USPL1: variants seen among roughly 807,000 people sequenced by gnomAD.
USPL1 encodes the protein ubiquitin specific peptidase like 1, also known as SUMO-specific isopeptidase USPL1.
Under a neutral mutation model 51.5 loss-of-function variants are expected in USPL1, and 27 were observed. That is an observed-to-expected ratio of 0.52 (90% CI 0.39 to 0.72). USPL1 has a LOEUF of 0.72. USPL1 is among the 30% of genes least tolerant of loss of function. The pLI, the probability that USPL1 is intolerant of heterozygous loss-of-function variation, is 0.00. For synonymous variants in USPL1, 451 were observed against 459.6 expected (o/e 0.98, Z 0.24); for missense variants, 1,226 against 1,268.0 (o/e 0.97, Z 0.50).
intron 7 of USPL1, among the ~76,000 whole-genome samples, chr13:30,649,211 A>C (rs1346406125): frequency 6.6e-6 from 1 of 152,198 alleles, no homozygotes; most frequent in East Asian, 1.9e-4. Flanking sequence ...TGTTTTCTTC[A>C]AAAGTAAATT....
At chr13:30,628,870 C>T (rs940462634) in intron 3 of USPL1, among the ~76,000 whole-genome samples, 1 of 152,160 alleles carries the variant, frequency 6.6e-6, no homozygotes, top group Non-Finnish European at 1.5e-5. Flanking sequence ...GGTACCTTTT[C>T]AAGATTCTGC....
chr13:30,621,589 T>G (rs563066093), intron 2 of USPL1, among the ~76,000 whole-genome samples, 175 bp from the exon 3 acceptor site: 1 of 152,222 alleles, frequency 6.6e-6, no homozygotes, highest in African/African-American at 2.4e-5. Flanking sequence ...TTTGGAATAA[T>G]AGCTGTATTT....
intron 1 of USPL1, among the ~76,000 whole-genome samples, chr13:30,620,677 A>G (rs1950634943): frequency 6.6e-6 from 1 of 152,224 alleles, no homozygotes; most frequent in African/African-American, 2.4e-5. Context: ...CCTGTCAAAT[A>G]GTGGCACAAT....
chr13:30,625,872 C>T (rs1050866589), intron 3 of USPL1, among the ~76,000 whole-genome samples: 2 of 152,012 alleles, frequency 1.3e-5, no homozygotes, highest in Admixed American at 6.6e-5. Context: ...TTTTTAATTT[C>T]TAGTCAGCAA....
At chr13:30,630,721 C>T in intron 3 of USPL1, 114 bp from the exon 4 acceptor site, 13 of 1,154,472 alleles carry the variant, frequency 1.1e-5, no homozygotes, top group African/African-American at 1.6e-5. Context: ...ATAAATATAA[C>T]CTGTCATCAA....
chr13:30,642,069 G>T (rs1442720709), intron 5 of USPL1, among the ~76,000 whole-genome samples: 1 of 152,090 alleles, frequency 6.6e-6, no homozygotes, highest in Non-Finnish European at 1.5e-5. Flanking sequence ...ACCACTCTCA[G>T]CTAATTTATT....
At chr13:30,657,126 T>G (rs1000676764) in intron 8 of USPL1, among the ~76,000 whole-genome samples, 1 of 152,186 alleles carries the variant, frequency 6.6e-6, no homozygotes, top group African/African-American at 2.4e-5. Flanking sequence ...CATTCTCTCT[T>G]GACAAATGTG....
chr13:30,650,816 C>T (rs1390138273), intron 7 of USPL1, among the ~76,000 whole-genome samples: 2 of 151,722 alleles, frequency 1.3e-5, no homozygotes, highest in Non-Finnish European at 2.9e-5. Flanking sequence ...ATGGTGAAAC[C>T]CCATCTCTAC....
intron 7 of USPL1, among the ~76,000 whole-genome samples, chr13:30,647,594 A>G (rs758335058): frequency 1.3e-5 from 2 of 152,104 alleles, no homozygotes; most frequent in Non-Finnish European, 2.9e-5. Context: ...TACCTTTTCC[A>G]GTATTACCAG....
chr13:30,619,723 G>A (rs1307696493), intron 1 of USPL1, among the ~76,000 whole-genome samples: 1 of 152,066 alleles, frequency 6.6e-6, no homozygotes, highest in Non-Finnish European at 1.5e-5. Context: ...ACATCTGCAG[G>A]TACAAAGCCT....
intron 4 of USPL1, among the ~76,000 whole-genome samples, chr13:30,635,769 C>G (rs1402342967): frequency 6.6e-6 from 1 of 152,176 alleles, no homozygotes; most frequent in Non-Finnish European, 1.5e-5. Flanking sequence ...CTCTTGTTAA[C>G]CATTCAGGCT....
At chr13:30,623,979 G>A (rs1038051725) in intron 3 of USPL1, among the ~76,000 whole-genome samples, 1 of 152,170 alleles carries the variant, frequency 6.6e-6, no homozygotes, top group Non-Finnish European at 1.5e-5. Context: ...GTTTGTTTGA[G>A]TTCTGCGAGC....
intron 4 of USPL1, among the ~76,000 whole-genome samples, chr13:30,636,014 G>C (rs559827467): frequency 2.6e-4 from 40 of 152,280 alleles, no homozygotes; most frequent in Non-Finnish European, 5.0e-4. Flanking sequence ...TTATGGTTTT[G>C]TTAGGTAAGA....
intron 4 of USPL1, among the ~76,000 whole-genome samples, chr13:30,636,275 A>AT (rs764865670): frequency 1.1e-4 from 17 of 151,948 alleles, no homozygotes; most frequent in Non-Finnish European, 2.2e-4. Flanking sequence ...TCTGTTACTA[A>AT]TTTTTTACAG....
intron 8 of USPL1, among the ~76,000 whole-genome samples, chr13:30,654,847 AATTCATTTATTC>A (rs1951139585): frequency 6.6e-6 from 1 of 151,912 alleles, no homozygotes; most frequent in African/African-American, 2.4e-5. Flanking sequence ...ATGTCTTTTT[AATTCATTTATTC>A]ATTCATATGT....
intron 8 of USPL1, among the ~76,000 whole-genome samples, chr13:30,655,193 T>A (rs1316184943): frequency 6.6e-6 from 1 of 152,200 alleles, no homozygotes; most frequent in African/African-American, 2.4e-5. Context: ...CGCCTCGGCC[T>A]CCCGAAGTGC....
intron 6 of USPL1, among the ~76,000 whole-genome samples, chr13:30,646,449 G>T (rs1253249571): frequency 6.6e-6 from 1 of 152,088 alleles, no homozygotes; most frequent in African/African-American, 2.4e-5. Flanking sequence ...GTCTGTAATG[G>T]CTAGCCAGTT....
chr13:30,650,685 A>G (rs369700012), intron 7 of USPL1, among the ~76,000 whole-genome samples: 1 of 151,976 alleles, frequency 6.6e-6, no homozygotes. Context: ...TTTGGAATTC[A>G]TTAGGCATTT....
At chr13:30,628,932 A>G (rs566962121) in intron 3 of USPL1, among the ~76,000 whole-genome samples, 1 of 152,174 alleles carries the variant, frequency 6.6e-6, no homozygotes, top group South Asian at 2.1e-4. Context: ...AAATACATAT[A>G]TGCTATTTTT....
Sources: gnomAD v4.1 joint callset for allele counts (sites outside exome capture counted in the v4.1 genomes callset) on GRCh38, gnomAD v4.1.1 for gene constraint, MANE v1.5 for transcripts, NCBI Gene and HGNC (gene_info 2026-07-23, HGNC 2026-07-21) for gene names.